The following KHDRBS2 variants were observed in gnomAD, a reference collection of about 807,000 sequenced individuals.
KHDRBS2 encodes the protein KH RNA binding domain containing, signal transduction associated 2.
Under a neutral mutation model 44.3 loss-of-function variants are expected in KHDRBS2, and 26 were observed. The ratio of observed to expected loss-of-function variants is 0.59; its 90% CI spans 0.43 to 0.81. The LOEUF is 0.81. KHDRBS2 is among the 40% of genes least tolerant of loss of function. KHDRBS2 has a pLI of 0.00. For synonymous variants in KHDRBS2, 194 were observed against 151.1 expected (o/e 1.28, Z -2.08); for missense variants, 476 against 433.1 (o/e 1.10, Z -0.88).
At chr6:61,887,474 A>G (rs1187970141) in intron 6 of KHDRBS2, among the ~76,000 whole-genome samples, 1 of 152,204 alleles carries the variant, frequency 6.6e-6, no homozygotes, top group Non-Finnish European at 1.5e-5. Flanking sequence ...AGTCTGGGTT[A>G]CGATGTGTAA....
intron 1 of KHDRBS2, among the ~76,000 whole-genome samples, chr6:62,189,001 T>A (rs1563029913): frequency 6.6e-6 from 1 of 151,940 alleles, no homozygotes; most frequent in African/African-American, 2.4e-5. Context: ...TGTAATCCCA[T>A]CTACTCAAAG....
chr6:61,705,216 T>C (rs1297853745), intron 7 of KHDRBS2, among the ~76,000 whole-genome samples: 1 of 151,900 alleles, frequency 6.6e-6, no homozygotes, highest in African/African-American at 2.4e-5. Context: ...CATTATATGC[T>C]AATTCCTAAT....
At chr6:61,730,991 A>G (rs1162398757) in intron 7 of KHDRBS2, among the ~76,000 whole-genome samples, 1 of 151,946 alleles carries the variant, frequency 6.6e-6, no homozygotes, top group African/African-American at 2.4e-5. Context: ...TTATTCCAAA[A>G]TTTCTTCTAT....
chr6:62,059,115 A>C (rs1584417173), intron 2 of KHDRBS2, among the ~76,000 whole-genome samples: 1 of 150,662 alleles, frequency 6.6e-6, no homozygotes, highest in East Asian at 2.0e-4. Context: ...ACAAAAAACT[A>C]ATAGTGCCAT....
At chr6:62,134,368 G>A (rs985860504) in intron 2 of KHDRBS2, among the ~76,000 whole-genome samples, 10 of 152,168 alleles carry the variant, frequency 6.6e-5, no homozygotes, top group African/African-American at 2.2e-4. Flanking sequence ...ACTGAGGTTT[G>A]GGAACCTCTG....
intron 2 of KHDRBS2, among the ~76,000 whole-genome samples, chr6:62,111,184 A>C (rs1411789026): frequency 6.6e-6 from 1 of 152,122 alleles, no homozygotes; most frequent in East Asian, 1.9e-4. Context: ...ACATACCTTG[A>C]ATTCACAGAT....
At chr6:61,622,638 G>A in the KHDRBS2 span, among the ~76,000 whole-genome samples, 1 of 152,148 alleles carries the variant, frequency 6.6e-6, no homozygotes, top group African/African-American at 2.4e-5. Flanking sequence ...GCAGTTAGAA[G>A]CCTGGGGAAA....
chr6:62,059,645 C>T (rs1391336687), intron 2 of KHDRBS2, among the ~76,000 whole-genome samples: 2 of 151,500 alleles, frequency 1.3e-5, no homozygotes, highest in Non-Finnish European at 2.9e-5. Context: ...GAGTATATTC[C>T]ATTTGAGATG....
chr6:61,704,217 GC>G (rs1345796164), intron 7 of KHDRBS2, among the ~76,000 whole-genome samples: 8 of 151,724 alleles, frequency 5.3e-5, no homozygotes, highest in South Asian at 4.1e-4. Context: ...ATGCCTAGTA[GC>G]TACATATACA....
intron 1 of KHDRBS2, among the ~76,000 whole-genome samples, chr6:62,179,597 T>C (rs945250495): frequency 1.3e-5 from 2 of 151,776 alleles, no homozygotes. Context: ...GTAATCGTAA[T>C]GTGGAACACA....
At chr6:62,237,908 G>A (rs1415768621) in intron 1 of KHDRBS2, among the ~76,000 whole-genome samples, 2 of 152,046 alleles carry the variant, frequency 1.3e-5, no homozygotes, top group African/African-American at 4.8e-5. Context: ...GCGTGGTGGT[G>A]CATGCCTGTA....
the KHDRBS2 span, among the ~76,000 whole-genome samples, chr6:61,631,061 G>T: frequency 6.6e-6 from 1 of 151,886 alleles, no homozygotes; most frequent in African/African-American, 2.4e-5. Context: ...TTGGAAGTGG[G>T]AAGAAACATA....
At chr6:62,123,412 C>T (rs1005464773) in intron 2 of KHDRBS2, among the ~76,000 whole-genome samples, 1 of 151,998 alleles carries the variant, frequency 6.6e-6, no homozygotes, top group African/African-American at 2.4e-5. Context: ...GGGTATATAC[C>T]CAGTAATGGG....
chr6:61,833,383 C>A (rs1349387736), intron 6 of KHDRBS2, among the ~76,000 whole-genome samples: 1 of 152,160 alleles, frequency 6.6e-6, no homozygotes, highest in Non-Finnish European at 1.5e-5. Context: ...TAACATCTCC[C>A]AAATGGAATA....
intron 3 of KHDRBS2, among the ~76,000 whole-genome samples, chr6:62,019,099 G>A (rs922474047): frequency 3.9e-5 from 6 of 151,966 alleles, no homozygotes; most frequent in African/African-American, 1.4e-4. Flanking sequence ...GCACTGATCT[G>A]GAATAGCATC....
intron 8 of KHDRBS2, among the ~76,000 whole-genome samples, chr6:61,690,609 G>T (rs1238140942): frequency 6.6e-6 from 1 of 151,998 alleles, no homozygotes; most frequent in African/African-American, 2.4e-5. Flanking sequence ...GTTCAAAAAG[G>T]TAGTTACTTA....
chr6:62,048,982 C>CT (rs951349391), intron 2 of KHDRBS2, among the ~76,000 whole-genome samples: 2 of 151,276 alleles, frequency 1.3e-5, no homozygotes, highest in Non-Finnish European at 2.9e-5. Flanking sequence ...CTTCTCTTCT[C>CT]TTCTCTTCTC....
At chr6:62,085,624 G>A (rs1377747067) in intron 2 of KHDRBS2, among the ~76,000 whole-genome samples, 1 of 152,108 alleles carries the variant, frequency 6.6e-6, no homozygotes, top group Non-Finnish European at 1.5e-5. Context: ...GAGAAACCAA[G>A]TCCATGAATC....
At chr6:61,873,281 C>A (rs1372686871) in intron 6 of KHDRBS2, among the ~76,000 whole-genome samples, 1 of 151,686 alleles carries the variant, frequency 6.6e-6, no homozygotes, top group African/African-American at 2.4e-5. Context: ...CAAATAGTAT[C>A]CAGAACATAT....
Sources: gnomAD v4.1 joint callset for allele counts (sites outside exome capture counted in the v4.1 genomes callset) on GRCh38, gnomAD v4.1.1 for gene constraint, MANE v1.5 for transcripts, NCBI Gene and HGNC (gene_info 2026-07-23, HGNC 2026-07-21) for gene names.